KCNH8: variants seen among roughly 807,000 people sequenced by gnomAD.
KCNH8 encodes potassium voltage-gated channel subfamily H member 8, also known as voltage-gated delayed rectifier potassium channel KCNH8.
KCNH8 carries 70 observed loss-of-function variants against 103.6 expected under a neutral mutation model. The ratio of observed to expected loss-of-function variants is 0.68; its 90% CI spans 0.56 to 0.82. The LOEUF (loss-of-function observed/expected upper bound fraction) is 0.82. Ranked by LOEUF, KCNH8 falls within the 40% of genes least tolerant of loss-of-function variation. The probability of loss-of-function intolerance (pLI) is 0.00; values close to 1 mark genes in which losing one functional copy is unlikely to be tolerated. For synonymous variants in KCNH8, 498 were observed against 489.4 expected, an observed-to-expected ratio of 1.02 and a Z score of -0.23; for missense variants, 1,217 against 1,329.9, an observed-to-expected ratio of 0.92 and a Z score of 1.32.
At chr3:19,395,724 T>C (rs1392884985) in intron 7 of KCNH8, among the ~76,000 whole-genome samples, 1 of 152,048 alleles carries the variant, frequency 6.6e-6, no homozygotes, top group Non-Finnish European at 1.5e-5. Flanking sequence ...GGCGTATTAA[T>C]AGAGAAGATA....
chr3:19,418,367 G>A (rs952202004), intron 7 of KCNH8, among the ~76,000 whole-genome samples: 4 of 152,164 alleles, frequency 2.6e-5, no homozygotes, highest in African/African-American at 9.7e-5. Context: ...TCTGAAAAAG[G>A]TGGAGAATGC....
intron 7 of KCNH8, among the ~76,000 whole-genome samples, chr3:19,398,992 A>G (rs887090297): frequency 2.0e-5 from 3 of 152,008 alleles, no homozygotes; most frequent in African/African-American, 7.2e-5. Flanking sequence ...CCACCTTTCA[A>G]TTGGAAAGTC....
chr3:19,522,912 T>C (rs1323204922), intron 15 of KCNH8, among the ~76,000 whole-genome samples: 1 of 151,844 alleles, frequency 6.6e-6, no homozygotes, highest in Non-Finnish European at 1.5e-5. Context: ...TAGAAAGTAT[T>C]TCAGTTTTAC....
At chr3:19,157,617 T>G (rs545109416) in intron 1 of KCNH8, among the ~76,000 whole-genome samples, 44 of 152,218 alleles carry the variant, frequency 2.9e-4, no homozygotes, top group Non-Finnish European at 5.4e-4. Flanking sequence ...GTATAGCATT[T>G]CAGCATTCTT....
At chr3:19,210,683 A>G (rs1020076134) in intron 1 of KCNH8, among the ~76,000 whole-genome samples, 1 of 150,736 alleles carries the variant, frequency 6.6e-6, no homozygotes, top group African/African-American at 2.5e-5. Context: ...TCATAAACCT[A>G]TCAGTAAAAA....
chr3:19,251,983 T>C (rs13078558), intron 1 of KCNH8, among the ~76,000 whole-genome samples: 1 of 152,174 alleles, frequency 6.6e-6, no homozygotes. Flanking sequence ...TCCTGTAGTT[T>C]TTTCATTTTT....
rs552912603 is a variant in KCNH8, at chr3:19,333,390, A to T, written c.443-9197A>T. ...TGTTTTGAACCTAAATCAACAAAAG[A>T]TTTTTTGTTTAGAATTGCAAATGCA... On this transcript the variant is annotated intron_variant, in intron 3 of 15. Coordinates refer to ENST00000328405, the MANE Select transcript of KCNH8 (RefSeq NM_144633.3). Among the ~76,000 whole-genome samples, 6 of 152,286 alleles carry T rather than the reference A, an allele frequency of 3.9e-5. No individual in the cohort carries two copies. The South Asian group carries it at 1.2e-3, about 32-fold the overall frequency.
intron 11 of KCNH8, among the ~76,000 whole-genome samples, chr3:19,492,488 T>C (rs2068344544): frequency 1.3e-5 from 2 of 152,172 alleles, no homozygotes; most frequent in Non-Finnish European, 2.9e-5. Context: ...GTTTTAAACA[T>C]GTGGCTTCAT....
chr3:19,339,276 T>C (rs1478235018), intron 3 of KCNH8, among the ~76,000 whole-genome samples: 1 of 152,078 alleles, frequency 6.6e-6, no homozygotes, highest in African/African-American at 2.4e-5. Context: ...GGAATTGGCT[T>C]ATTGACTGTT....
intron 1 of KCNH8, among the ~76,000 whole-genome samples, chr3:19,170,589 T>TATATATATATAC: frequency 7.1e-6 from 1 of 140,192 alleles, no homozygotes; most frequent in African/African-American, 2.9e-5. Flanking sequence ...GGCATCTATA[T>TATATATATATAC]ATATATATAT....
chr3:19,258,800 A>G (rs912095774), intron 2 of KCNH8, among the ~76,000 whole-genome samples: 10 of 151,216 alleles, frequency 6.6e-5, no homozygotes, highest in African/African-American at 2.4e-4. Context: ...TACTGGTCCA[A>G]TTATGCAACT....
chr3:19,477,750 C>T (rs1189996799), intron 11 of KCNH8, among the ~76,000 whole-genome samples: 4 of 152,118 alleles, frequency 2.6e-5, no homozygotes, highest in Non-Finnish European at 5.9e-5. Context: ...TATGAGTTAT[C>T]AAATACATCT....
intron 4 of KCNH8, 90 bp from the exon 5 acceptor site, chr3:19,347,635 C>A: frequency 2.1e-6 from 3 of 1,457,582 alleles, no homozygotes; most frequent in Non-Finnish European, 2.8e-6. Context: ...AGTGAATGAT[C>A]CTACTCACAA....
intron 2 of KCNH8, among the ~76,000 whole-genome samples, chr3:19,261,694 T>C (rs1404486893): frequency 6.6e-6 from 1 of 151,846 alleles, no homozygotes; most frequent in East Asian, 1.9e-4. Flanking sequence ...GGAGAGGAGC[T>C]TTTCCTCCCC....
intron 7 of KCNH8, among the ~76,000 whole-genome samples, chr3:19,435,238 A>G (rs1430747610): frequency 2.0e-5 from 3 of 152,208 alleles, no homozygotes; most frequent in African/African-American, 7.2e-5. Flanking sequence ...AGACCACTGG[A>G]GGAAAAAAAT....
intron 5 of KCNH8, among the ~76,000 whole-genome samples, chr3:19,357,510 C>T (rs12638161): frequency 0.045 from 6,845 of 151,918 alleles, 228 homozygotes; most frequent in East Asian, 0.11. Flanking sequence ...TGATTGTTTG[C>T]GGCCCCTTTT....
intron 11 of KCNH8, among the ~76,000 whole-genome samples, chr3:19,481,699 A>G (rs1263397716): frequency 6.6e-6 from 1 of 152,222 alleles, no homozygotes; most frequent in African/African-American, 2.4e-5. Context: ...ACCTTGCATC[A>G]TGAGCTATTT....
In KCNH8 at chr3:19,482,210, T is replaced by A. The variant is rs183134714; in HGVS notation, c.2040+25228T>A. Among the ~76,000 whole-genome samples the A allele has an allele frequency of 2.0e-5, 3 of 152,256 alleles. No homozygotes were observed. In the East Asian group the frequency reaches 5.8e-4, roughly 29 times the overall value. On this transcript the variant is annotated intron_variant, in intron 11 of 15. Transcript: ENST00000328405. ...GTGCTTTTCCATACAATGTCTATAA[T>A]CTATAGATAACGTAACCCATTAGGT...
chr3:19,416,285 G>A (rs1265386827), intron 7 of KCNH8, among the ~76,000 whole-genome samples: 1 of 151,912 alleles, frequency 6.6e-6, no homozygotes, highest in Non-Finnish European at 1.5e-5. Context: ...ATTAGATCAA[G>A]CTTTTGAATT....
Sources: allele counts gnomAD v4.1 joint callset (sites outside exome capture counted in the v4.1 genomes callset), GRCh38; gene constraint gnomAD v4.1.1; transcripts MANE v1.5; gene names NCBI Gene and HGNC (gene_info 2026-07-23, HGNC 2026-07-21).